Variants in STK32A observed in about 807,000 individuals in gnomAD.
The protein encoded by STK32A is serine/threonine kinase 32A.
STK32A carries 41 observed loss-of-function variants against 53.2 expected under a neutral mutation model. The observed-to-expected ratio is 0.77, with a 90% CI of 0.60 to 1.00. STK32A has a LOEUF of 1.00. Among genes scored for constraint, STK32A ranks in the 50% least tolerant of loss-of-function variants. STK32A has a pLI of 0.00. For missense variants in STK32A, 458 were observed against 485.8 expected, an observed-to-expected ratio of 0.94 and a Z score of 0.54; for synonymous variants, 166 against 162.8, an observed-to-expected ratio of 1.02 and a Z score of -0.15.
At chr5:147,348,192 C>T (rs1755778182) in intron 6 of STK32A, among the ~76,000 whole-genome samples, 1 of 152,156 alleles carries the variant, frequency 6.6e-6, no homozygotes, top group South Asian at 2.1e-4. Flanking sequence ...GCCTACCTCA[C>T]TAGGCTAAAG....
chr5:147,252,726 C>T (rs1326959435), intron 2 of STK32A, among the ~76,000 whole-genome samples: 1 of 152,192 alleles, frequency 6.6e-6, no homozygotes, highest in Admixed American at 6.5e-5. Flanking sequence ...TTTTCATTTG[C>T]AACCCCATCT....
intron 7 of STK32A, among the ~76,000 whole-genome samples, chr5:147,358,074 G>A (rs894755604): frequency 1.5e-4 from 23 of 151,840 alleles, no homozygotes; most frequent in African/African-American, 5.6e-4. Flanking sequence ...TAAATGTATA[G>A]ATTAGTGTTG....
chr5:147,273,160 A>G (rs1342782161), intron 2 of STK32A, among the ~76,000 whole-genome samples: 1 of 152,202 alleles, frequency 6.6e-6, no homozygotes, highest in Non-Finnish European at 1.5e-5. Context: ...TGCTTATTGC[A>G]CAGCATGTTG....
chr5:147,376,403 ACTTGCTCCTTCCCCTGAC>A (rs1255459660), intron 11 of STK32A, among the ~76,000 whole-genome samples: 30 of 152,096 alleles, frequency 2.0e-4, no homozygotes, highest in African/African-American at 7.2e-4. Context: ...GCTTCTCCAG[ACTTGCTCCTTCCCCTGAC>A]CTAGCAGAAC....
intron 2 of STK32A, among the ~76,000 whole-genome samples, chr5:147,263,574 T>G (rs1285095049): frequency 6.6e-6 from 1 of 152,006 alleles, no homozygotes; most frequent in Non-Finnish European, 1.5e-5. Flanking sequence ...AGAAAATAGC[T>G]TTCGGAGAGC....
intron 4 of STK32A, among the ~76,000 whole-genome samples, chr5:147,315,709 T>C (rs975744623): frequency 6.6e-6 from 1 of 152,076 alleles, no homozygotes; most frequent in Non-Finnish European, 1.5e-5. Flanking sequence ...CTTAAAGTGG[T>C]TAAAATGATA....
chr5:147,257,003 T>G (rs889896298), intron 2 of STK32A, among the ~76,000 whole-genome samples: 2 of 152,150 alleles, frequency 1.3e-5, no homozygotes, highest in African/African-American at 4.8e-5. Flanking sequence ...AGCATAAAAC[T>G]GACTTAAAGA....
At position 147,320,081 on chromosome 5, in the gene STK32A, TA is replaced by T. The variant is rs531952710; in HGVS notation, c.261-3816del. Among the ~76,000 whole-genome samples, 169 of 152,368 alleles carry T rather than the reference TA, an allele frequency of 1.1e-3. 1 individual carries two copies. Among genetic ancestry groups the T allele is most frequent in the African/African-American group, 3.8e-3 (159 of 41,588 alleles). On this transcript the variant is annotated intron_variant, in intron 4 of 12. Coordinates refer to ENST00000397936, the MANE Select transcript of STK32A (RefSeq NM_001112724.2). Reference sequence around the variant, plus strand: ...AACCTTATGTTAATAGCATTTATCCTATGTTATTCAATCTATTTTATTTCTT... The same window carrying T: ...AACCTTATGTTAATAGCATTTATCCTTGTTATTCAATCTATTTTATTTCTT...
At position 147,387,019 on chromosome 5, in the gene STK32A, A is replaced by G. The variant is rs1291772613; in HGVS notation, c.*3036A>G. On this transcript the variant is annotated 3_prime_UTR_variant, in exon 13 of 13. Transcript: ENST00000397936. ...GCTGTGATTTTTAGAAAACAAGATG[A>G]CTATTAAATCCTTTGGCCTGGTATT... The G allele has an allele frequency of 6.6e-6, 1 of 152,178 alleles. No homozygotes were observed. Among genetic ancestry groups the G allele is most frequent in the East Asian group, 1.9e-4 (1 of 5,194 alleles). 9.4% of individuals were successfully genotyped at this position (152,178 alleles called of 1,614,324 possible).
rs1757050969 is a variant in STK32A, at chr5:147,372,654, G to A, written c.778-515G>A. Among the ~76,000 whole-genome samples the A allele has an allele frequency of 2.6e-5, 4 of 151,980 alleles. No individual in the cohort carries two copies. The South Asian group carries it at 8.3e-4, about 31-fold the overall frequency. ...CTTTTATCTCAATTAGTAAAATCTA[G>A]AACTATAACAGTTACTTTAGTTACA... On this transcript the variant is annotated intron_variant, in intron 9 of 12. Transcript: ENST00000397936.
At chr5:147,273,070 A>G (rs555629933) in intron 2 of STK32A, among the ~76,000 whole-genome samples, 1 of 152,356 alleles carries the variant, frequency 6.6e-6, no homozygotes, top group Non-Finnish European at 1.5e-5. Context: ...ACCTTCTACA[A>G]GGGTCTTCTC....
intron 5 of STK32A, among the ~76,000 whole-genome samples, chr5:147,339,181 G>A (rs1425182810): frequency 6.6e-6 from 1 of 152,130 alleles, no homozygotes; most frequent in African/African-American, 2.4e-5. Context: ...GGGCCTTGCT[G>A]CTTTCGTAGT....
intron 8 of STK32A, among the ~76,000 whole-genome samples, chr5:147,366,127 C>G (rs1756731987): frequency 6.6e-6 from 1 of 152,088 alleles, no homozygotes; most frequent in African/African-American, 2.4e-5. Flanking sequence ...GATGTCTTAG[C>G]TTGGCATTCT....
At chr5:147,370,841 T>C (rs1756978046) in intron 9 of STK32A, 71 bp downstream of exon 9, 1 of 993,420 alleles carries the variant, frequency 1.0e-6, no homozygotes, top group Non-Finnish European at 1.6e-6. Flanking sequence ...AGTTTAGAAG[T>C]TAGTATACAA....
intron 2 of STK32A, among the ~76,000 whole-genome samples, chr5:147,256,440 C>A (rs1754239371): frequency 6.6e-6 from 1 of 152,216 alleles, no homozygotes; most frequent in South Asian, 2.1e-4. Flanking sequence ...TTGATCCATT[C>A]TAACCAGGCA....
intron 2 of STK32A, among the ~76,000 whole-genome samples, chr5:147,251,632 T>C (rs931006148): frequency 1.3e-5 from 2 of 152,214 alleles, no homozygotes; most frequent in African/African-American, 4.8e-5. Context: ...CAAGAATACA[T>C]CAAACACCCA....
At chr5:147,296,750 C>CT (rs1295328598) in intron 4 of STK32A, among the ~76,000 whole-genome samples, 1 of 152,166 alleles carries the variant, frequency 6.6e-6, no homozygotes, top group Non-Finnish European at 1.5e-5. Flanking sequence ...TAACAACCAC[C>CT]TGACCATCAC....
intron 6 of STK32A, among the ~76,000 whole-genome samples, chr5:147,346,342 C>A (rs1183225762): frequency 6.6e-6 from 1 of 152,170 alleles, no homozygotes; most frequent in Non-Finnish European, 1.5e-5. Flanking sequence ...GAAGGGTAAC[C>A]ACCTATCTCT....
At chr5:147,373,030 T>C (rs1488056628) in intron 9 of STK32A, 139 bp from the exon 10 acceptor site, 1 of 1,033,514 alleles carries the variant, frequency 9.7e-7, no homozygotes, top group Non-Finnish European at 1.4e-6. Context: ...TGATCTACAT[T>C]GTTTATGGGA....
Sources: allele counts gnomAD v4.1 joint callset (sites outside exome capture counted in the v4.1 genomes callset), GRCh38; gene constraint gnomAD v4.1.1; transcripts MANE v1.5; gene names NCBI Gene and HGNC (gene_info 2026-07-23, HGNC 2026-07-21).